The following RNF213 variants were observed in gnomAD, a reference collection of about 807,000 sequenced individuals.
RNF213 encodes the protein E3 ubiquitin-protein ligase RNF213.
In RNF213, 341 loss-of-function variants were observed where a neutral mutation model predicts 514.4. The ratio of observed to expected loss-of-function variants is 0.66; its 90% CI spans 0.61 to 0.73. RNF213 has a LOEUF of 0.73. Among genes scored for constraint, RNF213 ranks in the 30% least tolerant of loss-of-function variants. The pLI, the probability that RNF213 is intolerant of heterozygous loss-of-function variation, is 0.00. For missense variants in RNF213, 5,767 were observed against 6,615.6 expected, an observed-to-expected ratio of 0.87 and a Z score of 4.45; for synonymous variants, 2,655 against 2,658.2, an observed-to-expected ratio of 1.00 and a Z score of 0.04.
At chr17:80,319,612 C>T in intron 17 of RNF213, 4 of 1,540,630 alleles carry the variant, frequency 2.6e-6, no homozygotes, top group Non-Finnish European at 3.5e-6. Context: ...CTCAGATGGC[C>T]CTGTCATCAC....
At position 80,309,112 on chromosome 17, in the gene RNF213, G is replaced by A. The variant is rs774365380; in HGVS notation, c.2596G>A (p.Glu866Lys). The change falls in exon 14 of 68, where the codon GAG becomes AAG. Residue 866 changes from glutamate (E) to lysine (K), a missense_variant. This residue lies in a region of RNF213 where 592 missense variants were observed against 673.9 expected (regional missense o/e 0.88). Coordinates refer to ENST00000582970, the MANE Select transcript of RNF213 (RefSeq NM_001256071.3). ...CAGCACAAAGCTACTTAAGTTTTAC[G>A]AGCTGCCAGCCTTATCTGCCGAGAT... ...CSSTKLLKFY[E>K]LPALSAEIVC... 1.7e-5 allele frequency: 28 copies of A among 1,614,000 alleles called. No individual in the cohort carries two copies. Among genetic ancestry groups the A allele is most frequent in the Admixed American group, 3.3e-5 (2 of 59,990 alleles).
rs1205237049 is a variant in RNF213, at chr17:80,377,593, T to C, written c.13511-169T>C. The stretch of plus-strand genomic sequence containing the variant: ...ATTTTTCACTGACAACATACATTTA[T>C]TAAGCTTCAGGCAGGTGTCATGTAA... On this transcript the variant is annotated intron_variant, in intron 53 of 67. Transcript: ENST00000582970. This position sits in a 1 kb window ranked among gnomAD's most constrained non-coding sequence, Gnocchi z 4.1. 4 of 758,960 alleles carry C rather than the reference T, an allele frequency of 5.3e-6. No homozygotes were observed. Among genetic ancestry groups the C allele is most frequent in the African/African-American group, 1.7e-5 (1 of 58,440 alleles). The allele number at this position is 758,960 out of a possible 1,614,324, so 47.0% of individuals were successfully genotyped here. A position where few individuals can be genotyped will look rare whatever the true frequency, so the allele number is the denominator to read the frequency against.
At chr17:80,284,475 CAG>C (rs1339864919) in intron 3 of RNF213, among the ~76,000 whole-genome samples, 4 of 151,760 alleles carry the variant, frequency 2.6e-5, no homozygotes, top group Non-Finnish European at 5.9e-5. Context: ...ACCCGGGAAA[CAG>C]AGGTTGCAGT....
rs775629508 is a variant in RNF213, at chr17:80,369,522, C to T, written c.12176C>T (p.Ala4059Val). 5 of 1,613,652 alleles carry T rather than the reference C, an allele frequency of 3.1e-6. No individual in the cohort carries two copies. The African/African-American group carries it at 5.3e-5, about 17-fold the overall frequency. Residue 4059 changes from alanine to valine, a missense_variant, in exon 45 of 68, where the codon GCC (alanine) becomes GTC (valine). Physicochemically the swap from Ala to Val is moderately conservative, Grantham distance 64. Coordinates refer to ENST00000582970, the MANE Select transcript of RNF213 (RefSeq NM_001256071.3). ...CTAAGGGAAGCCATTGAAAAGCATG[C>T]CCGCTTCCGGCAGATGTGCAACAGT... ...QAHREAIEKHARFRQMCNSFF... is the reference protein window; with the variant it reads ...QAHREAIEKHVRFRQMCNSFF...
chr17:80,355,131 C>T (rs544867134), intron 36 of RNF213: 1 of 454,768 alleles, frequency 2.2e-6, no homozygotes, highest in East Asian at 7.0e-5. Flanking sequence ...GACAGACTCT[C>T]AGACCTCCTG....
chr17:80,355,852 A>G lies in RNF213; in HGVS notation c.10862+1276A>G, dbSNP rs112840686. Among the ~76,000 whole-genome samples the G allele has an allele frequency of 1.9e-3, 271 of 144,406 alleles. 7 individuals are homozygous for G. Among genetic ancestry groups the G allele is most frequent in the African/African-American group, 5.4e-3 (195 of 35,832 alleles). 94.7% of individuals were successfully genotyped at this position (144,406 alleles called of 152,430 possible). A position where few individuals can be genotyped will look rare whatever the true frequency, so the allele number is the denominator to read the frequency against. ...AGAAGCGGGGTGAACGGGAATGGGG[A>G]CTTACAGACACCTTCCTCGTGACCA... On this transcript the variant is annotated intron_variant, in intron 36 of 67. Coordinates refer to ENST00000582970, the MANE Select transcript of RNF213 (RefSeq NM_001256071.3).
rs747767551 is a variant in RNF213, at chr17:80,340,084, G to A, written c.5717G>A (p.Arg1906His). ...GATCAGCTGAGCTACGAGGTGGCACGCCAAGCGGAGGAGCTTTTCCACAAT... is the reference window on the plus strand; with the variant it reads ...GATCAGCTGAGCTACGAGGTGGCACACCAAGCGGAGGAGCTTTTCCACAAT... ...FADQLSYEVA[R>H]QAEELFHNLC... Residue 1906 changes from arginine (R) to histidine (H), a missense_variant, in exon 26 of 68, where the codon CGC becomes CAC. This residue lies in a region of RNF213 where 1,377 missense variants were observed against 1,635.2 expected (regional missense o/e 0.84). Coordinates refer to ENST00000582970, the MANE Select transcript of RNF213 (RefSeq NM_001256071.3). 14 of 1,600,778 alleles carry A rather than the reference G, an allele frequency of 8.7e-6. No individual in the cohort carries two copies. Among genetic ancestry groups the A allele is most frequent in the South Asian group, 6.7e-5 (6 of 89,348 alleles).
Position 80,306,437 on chromosome 17 carries a change from T to A in RNF213, c.2396T>A (p.Leu799His). ...TGTCTTTCAGGGATTTACTACCGGC[T>A]TCCGGGACTTGAGCAAGTCTTGAAT... ...LDCLSGIYYR[L>H]PGLEQVLNTQ... Residue 799 changes from leucine (L) to histidine (H), a missense_variant, in exon 12 of 68, where the codon CTT becomes CAT. Leu to His is a moderately conservative substitution (Grantham distance 99, BLOSUM62 -3). Around this residue, in one of 13 missense-constraint regions of RNF213, gnomAD observed 592 missense variants for 673.9 expected, o/e 0.88. Coordinates refer to ENST00000582970, the MANE Select transcript of RNF213 (RefSeq NM_001256071.3). The A allele has an allele frequency of 1.2e-6, 2 of 1,614,168 alleles. No individual in the cohort carries two copies. The highest frequency in any genetic ancestry group is 1.7e-6 in the Non-Finnish European group (2 of 1,180,022).
Position 80,358,389 on chromosome 17 carries a change from C to G in RNF213, c.10964C>G (p.Pro3655Arg). 1.2e-6 allele frequency: 2 copies of G among 1,614,146 alleles called. No individual in the cohort carries two copies. The highest frequency in any genetic ancestry group is 1.7e-6 in the Non-Finnish European group (2 of 1,179,988). The stretch of plus-strand genomic sequence containing the variant: ...GGCAACCTAGAGTTACTGACCAGGC[C>G]AGATACTCCGCCCTGGGCAAGAGAT... The part of the protein sequence containing the change: ...RDGNLELLTR[P>R]DTPPWARDLW... The change falls in exon 37 of 68, where the codon CCA becomes CGA. Residue 3655 changes from proline to arginine, a missense_variant. Physicochemically the swap from Pro to Arg is moderately radical, Grantham distance 103. This residue lies in a region of RNF213 where 919 missense variants were observed against 1,121.0 expected (regional missense o/e 0.82). Transcript: ENST00000582970.
chr17:80,308,040 G>C (rs1276214348), intron 13 of RNF213, among the ~76,000 whole-genome samples: 3 of 151,942 alleles, frequency 2.0e-5, no homozygotes, highest in Admixed American at 2.0e-4. Flanking sequence ...AAAAATCAAA[G>C]GTAGCTTTAT....
chr17:80,318,623 G>A, intron 16 of RNF213, among the ~76,000 whole-genome samples: 1 of 152,096 alleles, frequency 6.6e-6, no homozygotes, highest in Non-Finnish European at 1.5e-5. Context: ...GCCCAGGCTG[G>A]AGTGCAGTGG....
intron 57 of RNF213, 80 bp downstream of exon 57, chr17:80,381,807 C>T: frequency 1.5e-6 from 2 of 1,297,332 alleles, no homozygotes; most frequent in Non-Finnish European, 2.2e-6. Context: ...TGTGGGCCAC[C>T]CCACACACAG....
At chr17:80,295,499 A>G in intron 9 of RNF213, 58 bp from the exon 10 acceptor site, 1 of 1,608,164 alleles carries the variant, frequency 6.2e-7, no homozygotes, top group South Asian at 1.1e-5. Context: ...GCAGCTCTGG[A>G]CACTGCCGGT....
intron 42 of RNF213, among the ~76,000 whole-genome samples, chr17:80,367,497 C>G (rs539299818): frequency 1.1e-4 from 16 of 152,188 alleles, no homozygotes; most frequent in Admixed American, 8.5e-4. Flanking sequence ...TTAGTGAGAG[C>G]GGAGGAGACC....
rs2080687796 is a variant in RNF213, at chr17:80,397,472, A to C, written c.*3974A>C. 6.6e-6 allele frequency: 1 copy of C among 152,078 alleles called. No individual in the cohort carries two copies. The highest frequency in any genetic ancestry group is 1.5e-5 in the Non-Finnish European group (1 of 68,022). The allele number at this position is 152,078 out of a possible 1,614,324, so 9.4% of individuals were successfully genotyped here. On this transcript the variant is annotated 3_prime_UTR_variant, in exon 68 of 68. Transcript: ENST00000582970. ...CCTGGTAGTTAAAGATCGACGCCTG[A>C]CCTAATCAGTGATGCTATCTATAGA...
intron 38 of RNF213, among the ~76,000 whole-genome samples, chr17:80,360,907 G>A (rs1220567794): frequency 6.6e-6 from 1 of 152,138 alleles, no homozygotes; most frequent in East Asian, 1.9e-4. Context: ...CTCCTCATGA[G>A]CATATTCCTT....
At chr17:80,311,458 G>C (rs1299457301) in intron 14 of RNF213, among the ~76,000 whole-genome samples, 1 of 152,198 alleles carries the variant, frequency 6.6e-6, no homozygotes, top group Non-Finnish European at 1.5e-5. Context: ...GGGACCTTCA[G>C]CAGTGCCTGT....
At chr17:80,381,526 T>A in intron 56 of RNF213, 21 bp from the exon 57 acceptor site, 16 of 1,613,542 alleles carry the variant, frequency 9.9e-6, no homozygotes, top group African/African-American at 1.3e-5. Context: ...CGCTGAACAC[T>A]CTGTTCCGTT....
intron 42 of RNF213, among the ~76,000 whole-genome samples, chr17:80,366,512 T>A (rs2079279958): frequency 6.6e-6 from 1 of 152,234 alleles, no homozygotes. Context: ...TTCATGTGCT[T>A]GTTGGGCATT....
Sources: gnomAD v4.1 joint callset for allele counts (sites outside exome capture counted in the v4.1 genomes callset) on GRCh38, gnomAD v4.1.1 for gene constraint, gnomAD v4.1.1 regional missense constraint, Gnocchi (gnomAD v3.1) non-coding constraint, MANE v1.5 for transcripts, NCBI Gene and HGNC (gene_info 2026-07-23, HGNC 2026-07-21) for gene names.